The following CACNA1C variants were observed in gnomAD, a reference collection of about 807,000 sequenced individuals.
CACNA1C encodes the protein voltage-dependent L-type calcium channel subunit alpha-1C.
A neutral mutation model predicts 229.0 loss-of-function variants in CACNA1C; 30 were observed. The observed-to-expected ratio is 0.13, with a 90% CI of 0.10 to 0.18. CACNA1C has a LOEUF of 0.18. Among genes scored for constraint, CACNA1C ranks in the 10% least tolerant of loss-of-function variants. The pLI, the probability that CACNA1C is intolerant of heterozygous loss-of-function variation, is 1.00. For synonymous variants in CACNA1C, 1,114 were observed against 1,132.5 expected (o/e 0.98, Z 0.33); for missense variants, 1,658 against 2,845.0 (o/e 0.58, Z 9.49).
At chr12:2,088,725 G>A (rs918313691) in intron 1 of CACNA1C, among the ~76,000 whole-genome samples, 10 of 152,226 alleles carry the variant, frequency 6.6e-5, no homozygotes, top group South Asian at 6.2e-4. Context: ...AGCAGCCTTC[G>A]TGCTTGCAGA....
chr12:1,980,130 A>G (rs935555666), intron 1 of CACNA1C, among the ~76,000 whole-genome samples: 1 of 152,208 alleles, frequency 6.6e-6, no homozygotes, highest in Admixed American at 6.5e-5. Flanking sequence ...CCCAAGATAG[A>G]TAGGCATACA....
rs566071841 is a variant in CACNA1C, at chr12:2,566,921, C to T, written c.1669+339C>T. Among the ~76,000 whole-genome samples the T allele has an allele frequency of 6.6e-6, 1 of 152,330 alleles. No individual in the cohort carries two copies. Among genetic ancestry groups the T allele is most frequent in the Admixed American group, 6.5e-5 (1 of 15,306 alleles). The stretch of plus-strand genomic sequence containing the variant: ...AACTCCCCAGCATGGATTTTAAATA[C>T]CTGGGGGCCTTCCTACAGCCCTGAG... On this transcript the variant is annotated intron_variant, in intron 12 of 46. Transcript: ENST00000399655. This position sits in a 1 kb window ranked among gnomAD's most constrained non-coding sequence, Gnocchi z 4.0.
At chr12:2,052,482 G>C (rs1170171748), upstream of CACNA1C, among the ~76,000 whole-genome samples, 2 of 151,926 alleles carry the variant, frequency 1.3e-5, no homozygotes, top group African/African-American at 4.8e-5. Flanking sequence ...TCCGCTCACA[G>C]AGGCCTTCCC....
At chr12:2,033,548 G>T (rs2154492578) in intron 1 of CACNA1C, among the ~76,000 whole-genome samples, 1 of 152,292 alleles carries the variant, frequency 6.6e-6, no homozygotes, top group Non-Finnish European at 1.5e-5. Context: ...GGGCTTGGGG[G>T]CATTGTGTTC....
intron 18 of CACNA1C, among the ~76,000 whole-genome samples, chr12:2,590,310 C>T (rs907413504): frequency 1.3e-5 from 2 of 152,310 alleles, no homozygotes; most frequent in South Asian, 2.1e-4. Context: ...TTCTGAAATG[C>T]AGCAGCAACT....
chr12:2,490,454 G>T (rs1249727584), intron 6 of CACNA1C, among the ~76,000 whole-genome samples: 2 of 152,176 alleles, frequency 1.3e-5, no homozygotes, highest in Non-Finnish European at 2.9e-5. Context: ...AAAGATGCAA[G>T]CTTCCCCTTC....
At chr12:2,509,941 G>A (rs2099779950) in intron 8 of CACNA1C, among the ~76,000 whole-genome samples, 1 of 152,210 alleles carries the variant, frequency 6.6e-6, no homozygotes, top group Non-Finnish European at 1.5e-5. Flanking sequence ...ATTTGTAGAT[G>A]TGGGATCCAC....
chr12:2,086,727 T>C (rs1212563790), intron 1 of CACNA1C, among the ~76,000 whole-genome samples: 1 of 152,156 alleles, frequency 6.6e-6, no homozygotes, highest in African/African-American at 2.4e-5. Flanking sequence ...AGCTAATGTA[T>C]GGAGAAAGAG....
At position 2,467,044 on chromosome 12, in the gene CACNA1C, G is replaced by A. The variant is rs2099556226; in HGVS notation, c.757+9338G>A. ...AGGGGACACTTACAAAGCTACTTAT[G>A]AGGACAGGGGCATGTGCAGGGGGCC... On this transcript the variant is annotated intron_variant, in intron 5 of 46. Transcript: ENST00000399655. The surrounding 1 kb of genome is among the most constrained non-coding windows in gnomAD (Gnocchi z 4.6). 6.6e-6 allele frequency among the ~76,000 whole-genome samples: 1 copy of A among 152,184 alleles called. No individual in the cohort carries two copies. Among genetic ancestry groups the A allele is most frequent in the African/African-American group, 2.4e-5 (1 of 41,444 alleles).
intron 3 of CACNA1C, among the ~76,000 whole-genome samples, chr12:2,208,855 TCTAACTTAGGGTTTAAGTACC>T (rs992076916): frequency 2.6e-5 from 4 of 152,064 alleles, no homozygotes; most frequent in African/African-American, 9.7e-5. Context: ...AACCTAAGGG[TCTAACTTAGGGTTTAAGTACC>T]CTACATTGAA....
chr12:2,328,182 C>T (rs1431763350), intron 3 of CACNA1C, among the ~76,000 whole-genome samples: 1 of 152,182 alleles, frequency 6.6e-6, no homozygotes, highest in South Asian at 2.1e-4. Flanking sequence ...TCTTGCCCCC[C>T]AAATGATCCT....
chr12:2,492,849 C>G (rs1266279707), intron 6 of CACNA1C, among the ~76,000 whole-genome samples: 2 of 152,154 alleles, frequency 1.3e-5, no homozygotes, highest in Non-Finnish European at 2.9e-5. Context: ...GTGGTGGCAT[C>G]ATCATTATTT....
rs76972235 is a variant in CACNA1C at position 2,131,781 on chromosome 12, A to G, written c.477+11351A>G. On this transcript the variant is annotated intron_variant, in intron 3 of 46. Coordinates refer to ENST00000399655, the MANE Select transcript of CACNA1C (RefSeq NM_000719.7). ...TCTTTTGGCTTAGGATTGACTTGGC[A>G]ATGCGGGCTCTTTTTTGGTTCCATA... 4.7e-4 allele frequency among the ~76,000 whole-genome samples: 70 copies of G among 150,242 alleles called. 1 individual carries two copies. The highest frequency in any genetic ancestry group is 1.2e-3 in the African/African-American group (48 of 40,204).
intron 1 of CACNA1C, among the ~76,000 whole-genome samples, chr12:2,069,863 G>A (rs1178718441): frequency 1.3e-5 from 2 of 152,110 alleles, no homozygotes; most frequent in South Asian, 2.1e-4. Flanking sequence ...TGTTGTCCAG[G>A]CTGGAGTGCA....
chr12:2,177,604 C>CG (rs2096699489), intron 3 of CACNA1C, among the ~76,000 whole-genome samples: 1 of 95,660 alleles, frequency 1.0e-5, no homozygotes, highest in African/African-American at 5.0e-5. Context: ...TTCCTTCCTT[C>CG]CTTCCTTCCT....
intron 4 of CACNA1C, among the ~76,000 whole-genome samples, chr12:2,451,163 C>T (rs989907908): frequency 2.0e-5 from 3 of 152,178 alleles, no homozygotes; most frequent in African/African-American, 7.2e-5. Context: ...TCGGGGTGTG[C>T]ATGCAGCTAT....
chr12:2,274,365 G>A (rs1015567142), intron 3 of CACNA1C, among the ~76,000 whole-genome samples: 2 of 152,222 alleles, frequency 1.3e-5, no homozygotes, highest in Non-Finnish European at 2.9e-5. Context: ...TCAGGTAATA[G>A]GGGAAGCATG....
intron 3 of CACNA1C, among the ~76,000 whole-genome samples, chr12:2,256,325 G>T (rs1211256832): frequency 2.0e-5 from 3 of 152,198 alleles, no homozygotes; most frequent in African/African-American, 4.8e-5. Flanking sequence ...GCACATTGGT[G>T]TCTTAAAAAT....
Position 2,585,842 on chromosome 12 carries a change from T to C in CACNA1C, c.2468T>C (p.Met823Thr). The C allele has an allele frequency of 1.2e-6, 2 of 1,608,396 alleles. No individual in the cohort carries two copies. Among genetic ancestry groups the C allele is most frequent in the East Asian group, 2.2e-5 (1 of 44,780 alleles). The change falls in exon 18 of 47, where the codon ATG (methionine) becomes ACG (threonine). Residue 823 changes from methionine (M) to threonine (T), a missense_variant. Transcript: ENST00000399655. This position sits in a 1 kb window ranked among gnomAD's most constrained non-coding sequence, Gnocchi z 4.1. ...TCCCCTGTGACTGTCTAGATCAACA[T>C]GGATGACCTCCAGCCCAATGAAAAT... ...GESPPATKIN[M>T]DDLQPNENED...
Sources: gnomAD v4.1 joint callset for allele counts (sites outside exome capture counted in the v4.1 genomes callset) on GRCh38, gnomAD v4.1.1 for gene constraint, Gnocchi (gnomAD v3.1) non-coding constraint, MANE v1.5 for transcripts, NCBI Gene and HGNC (gene_info 2026-07-23, HGNC 2026-07-21) for gene names.